Variants in ADGRV1 observed in about 807,000 individuals in gnomAD.
ADGRV1 encodes the protein adhesion G protein-coupled receptor V1, also known as G-protein coupled receptor 98.
ADGRV1 carries 359 observed loss-of-function variants against 596.2 expected under a neutral mutation model. The ratio of observed to expected loss-of-function variants is 0.60; its 90% CI spans 0.55 to 0.66. The LOEUF (loss-of-function observed/expected upper bound fraction) is 0.66, where lower values mean the gene tolerates loss of function less well. Among genes scored for constraint, ADGRV1 ranks in the 30% least tolerant of loss-of-function variants. The pLI, the probability that ADGRV1 is intolerant of heterozygous loss-of-function variation, is 0.00. For synonymous variants in ADGRV1, 2,681 were observed against 2,679.2 expected, an observed-to-expected ratio of 1.00 and a Z score of -0.02; for missense variants, 7,274 against 7,575.6, an observed-to-expected ratio of 0.96 and a Z score of 1.48.
At chr5:90,693,350 T>TA (rs1252071534) in intron 32 of ADGRV1, among the ~76,000 whole-genome samples, 1 of 152,198 alleles carries the variant, frequency 6.6e-6, no homozygotes, top group African/African-American at 2.4e-5. Context: ...GTCATCCATA[T>TA]ACTTTAAATC....
chr5:91,014,136 CCACACACACACACACA>C (rs70973720), intron 85 of ADGRV1, among the ~76,000 whole-genome samples: 2 of 35,638 alleles, frequency 5.6e-5, no homozygotes, highest in African/African-American at 1.8e-4. Context: ...TTCACAATTG[CCACACACACACACACA>C]CACACACACA....
chr5:90,775,943 A>G (rs1388957303), intron 60 of ADGRV1, among the ~76,000 whole-genome samples: 1 of 152,188 alleles, frequency 6.6e-6, no homozygotes, highest in Non-Finnish European at 1.5e-5. Context: ...GCTAAGTTAT[A>G]TGGATACTCA....
rs530572402 is a variant in ADGRV1 at position 90,686,702 on chromosome 5, T to C, written c.6490+707T>C. On this transcript the variant is annotated intron_variant, in intron 29 of 89. Transcript: ENST00000405460. ...GTGTGCATGTGTCTTTATAGCTGCA[T>C]GATTTATAGTCCTTTGGGTATATAC... Among the ~76,000 whole-genome samples, 4 of 152,348 alleles carry C rather than the reference T, an allele frequency of 2.6e-5. No homozygotes were observed. The East Asian group carries it at 7.7e-4, about 29-fold the overall frequency.
intron 57 of ADGRV1, 139 bp downstream of exon 57, chr5:90,757,300 T>C: frequency 1.6e-6 from 1 of 639,802 alleles, no homozygotes; most frequent in Non-Finnish European, 2.6e-6. Flanking sequence ...ACAAATATTA[T>C]TAATTGAAAT....
chr5:90,635,833 A>C (rs1301358398), intron 10 of ADGRV1, among the ~76,000 whole-genome samples: 1 of 151,608 alleles, frequency 6.6e-6, no homozygotes, highest in Admixed American at 6.6e-5. Flanking sequence ...GAGCTCAAGT[A>C]GTCCACCTCC....
At chr5:90,839,654 T>C (rs1338839481) in intron 77 of ADGRV1, among the ~76,000 whole-genome samples, 1 of 152,222 alleles carries the variant, frequency 6.6e-6, no homozygotes, top group Non-Finnish European at 1.5e-5. Flanking sequence ...CCAAGATCCT[T>C]ATGTAGCCTA....
At position 90,767,243 on chromosome 5, in the gene ADGRV1, A is replaced by G. The variant is rs910091255; in HGVS notation, c.12285+3774A>G. On this transcript the variant is annotated intron_variant, in intron 59 of 89. Transcript: ENST00000405460. ...GAACAAACAGGCCAGAGAGAAGAAA[A>G]TAGTCCAGATTTGTCAGTCGTTTTA... Among the ~76,000 whole-genome samples, 17 of 152,192 alleles carry G rather than the reference A, an allele frequency of 1.1e-4. 1 individual carries two copies.
chr5:91,079,408 A>G (rs1001083955), intron 86 of ADGRV1, among the ~76,000 whole-genome samples: 20 of 152,238 alleles, frequency 1.3e-4, no homozygotes, highest in Admixed American at 4.6e-4. Flanking sequence ...TTTGATCTCA[A>G]TCCTCGAAGA....
chr5:90,993,867 C>T (rs572102554), intron 85 of ADGRV1, among the ~76,000 whole-genome samples: 22 of 151,614 alleles, frequency 1.5e-4, no homozygotes, highest in Non-Finnish European at 2.6e-4. Context: ...TATATTGGTA[C>T]ATTTGATGCT....
intron 42 of ADGRV1, among the ~76,000 whole-genome samples, chr5:90,713,171 A>T (rs10060365): frequency 0.61 from 92,075 of 151,196 alleles, 29,946 homozygotes; most frequent in African/African-American, 0.83. Flanking sequence ...GGTTTTTTTT[A>T]AAAAAAATTT....
At chr5:90,798,705 G>A (rs530096620) in intron 70 of ADGRV1, among the ~76,000 whole-genome samples, 1 of 152,262 alleles carries the variant, frequency 6.6e-6, no homozygotes, top group Non-Finnish European at 1.5e-5. Flanking sequence ...AAATCCAGCA[G>A]CACATCAAAA....
chr5:90,705,309 A>T, intron 36 of ADGRV1, 91 bp from the exon 37 acceptor site: 1 of 1,038,016 alleles, frequency 9.6e-7, no homozygotes, highest in Non-Finnish European at 1.4e-6. Flanking sequence ...AACACTTTTG[A>T]TTACCTTAAT....
At chr5:90,939,115 T>C (rs1424357476) in intron 83 of ADGRV1, among the ~76,000 whole-genome samples, 5 of 152,214 alleles carry the variant, frequency 3.3e-5, no homozygotes, top group Non-Finnish European at 7.4e-5. Flanking sequence ...AGAAAACATG[T>C]TCACTTCTTC....
intron 75 of ADGRV1, among the ~76,000 whole-genome samples, chr5:90,816,368 G>GT (rs200869414): frequency 2.4e-4 from 35 of 146,958 alleles, no homozygotes; most frequent in Admixed American, 3.4e-4. Context: ...TTAATTTTCT[G>GT]TTTTTTTTTA....
chr5:90,877,672 ATTAGT>A (rs918895163), intron 83 of ADGRV1, among the ~76,000 whole-genome samples: 42 of 150,846 alleles, frequency 2.8e-4, no homozygotes, highest in African/African-American at 1.0e-3. Flanking sequence ...ACCCTTTGTG[ATTAGT>A]TTAAGTGAAG....
intron 43 of ADGRV1, among the ~76,000 whole-genome samples, chr5:90,719,550 G>A (rs1011717252): frequency 2.6e-5 from 4 of 152,038 alleles, no homozygotes; most frequent in African/African-American, 9.7e-5. Context: ...GTTTAGGTCT[G>A]TATGGTTGCA....
At position 90,663,930 on chromosome 5, in the gene ADGRV1, C is replaced by T. The variant is rs1267728458; in HGVS notation, c.4752+5652C>T. Among the ~76,000 whole-genome samples the T allele has an allele frequency of 2.0e-4, 30 of 150,888 alleles. No individual in the cohort carries two copies. In the East Asian group the frequency reaches 5.3e-3, roughly 27 times the overall value. The stretch of plus-strand genomic sequence containing the variant: ...CAAAGATCAGATAGTTGTAGATATG[C>T]GGCGTTATTTCTGAGGGCTCTGTTC... On this transcript the variant is annotated intron_variant, in intron 21 of 89. Coordinates refer to ENST00000405460, the MANE Select transcript of ADGRV1 (RefSeq NM_032119.4).
intron 84 of ADGRV1, among the ~76,000 whole-genome samples, chr5:90,971,670 G>C (rs10051346): frequency 0.5 from 76,205 of 152,024 alleles, 20,711 homozygotes; most frequent in African/African-American, 0.71. Flanking sequence ...TCGTCACCAC[G>C]AGGCCTGCCC....
At chr5:91,138,237 G>GAAA (rs536525545) in intron 87 of ADGRV1, among the ~76,000 whole-genome samples, 2 of 141,146 alleles carry the variant, frequency 1.4e-5, no homozygotes, top group Admixed American at 7.1e-5. Flanking sequence ...ATGGGTTGGA[G>GAAA]AAAAAAAAAA....
Sources: allele counts gnomAD v4.1 joint callset (sites outside exome capture counted in the v4.1 genomes callset), GRCh38; gene constraint gnomAD v4.1.1; transcripts MANE v1.5; gene names NCBI Gene and HGNC (gene_info 2026-07-23, HGNC 2026-07-21).